The following VSTM4 variants were observed in gnomAD, a reference collection of about 807,000 sequenced individuals.
VSTM4 encodes V-set and transmembrane domain containing 4.
VSTM4 carries 20 observed loss-of-function variants against 36.4 expected under a neutral mutation model. The ratio of observed to expected loss-of-function variants is 0.55; its 90% CI spans 0.39 to 0.80. The LOEUF (loss-of-function observed/expected upper bound fraction) is 0.80, where lower values mean the gene tolerates loss of function less well. Ranked by LOEUF, VSTM4 falls within the 30% of genes least tolerant of loss-of-function variation. The pLI is 0.00. For missense variants in VSTM4, 392 were observed against 404.5 expected (o/e 0.97, Z 0.26); for synonymous variants, 182 against 173.9 (o/e 1.05, Z -0.37).
At chr10:49,040,668 T>G (rs1340563780) in intron 7 of VSTM4, among the ~76,000 whole-genome samples, 1 of 152,244 alleles carries the variant, frequency 6.6e-6, no homozygotes, top group Non-Finnish European at 1.5e-5. Context: ...TCTTGCAAAA[T>G]GCAATGTTGT....
chr10:49,019,514 C>T lies in VSTM4; in HGVS notation c.*136G>A, dbSNP rs3810952. Reference sequence around the variant, plus strand: ...AGGCTTGTACCTCTTCAAAGGCACCCAGAATGCTGCTGAAAAGGGGCTCCC... The same window carrying T: ...AGGCTTGTACCTCTTCAAAGGCACCTAGAATGCTGCTGAAAAGGGGCTCCC... On this transcript the variant is annotated 3_prime_UTR_variant, in exon 8 of 8. Coordinates refer to ENST00000332853, the MANE Select transcript of VSTM4 (RefSeq NM_001031746.5). 5,852 of 1,307,052 alleles carry T rather than the reference C, an allele frequency of 4.5e-3. 251 individuals are homozygous for T. The Admixed American group carries it at 0.086, about 19-fold the overall frequency. 81.0% of individuals were successfully genotyped at this position (1,307,052 alleles called of 1,614,324 possible). A position where few individuals can be genotyped will look rare whatever the true frequency, so the allele number is the denominator to read the frequency against.
chr10:49,043,127 T>C (rs181723065), intron 7 of VSTM4, among the ~76,000 whole-genome samples: 161 of 152,324 alleles, frequency 1.1e-3, no homozygotes, highest in Admixed American at 2.4e-3. Flanking sequence ...GGATGCACTG[T>C]CCAATGTGGT....
intron 2 of VSTM4, among the ~76,000 whole-genome samples, chr10:49,105,010 C>A (rs7069441): frequency 5.0e-5 from 2 of 39,746 alleles, no homozygotes; most frequent in African/African-American, 1.1e-4. Context: ...GAGAGAGAGA[C>A]AGAGAGATAC....
At chr10:49,061,176 C>A (rs1000808776) in intron 5 of VSTM4, among the ~76,000 whole-genome samples, 1 of 152,132 alleles carries the variant, frequency 6.6e-6, no homozygotes, top group Non-Finnish European at 1.5e-5. Context: ...ACTGTTTCCA[C>A]ATTTAGAGAT....
chr10:49,108,314 T>A (rs1391569397), intron 1 of VSTM4, among the ~76,000 whole-genome samples: 1 of 152,256 alleles, frequency 6.6e-6, no homozygotes, highest in Admixed American at 6.5e-5. Flanking sequence ...GTAAAAGATT[T>A]AGATTTTTGG....
intron 1 of VSTM4, among the ~76,000 whole-genome samples, chr10:49,113,862 G>C (rs532074051): frequency 5.1e-4 from 77 of 152,274 alleles, no homozygotes; most frequent in African/African-American, 1.8e-3. Context: ...ACAAGCAGGA[G>C]CTCTTATCAT....
At chr10:49,043,551 T>C (rs1264029282) in intron 7 of VSTM4, among the ~76,000 whole-genome samples, 6 of 152,060 alleles carry the variant, frequency 3.9e-5, no homozygotes, top group African/African-American at 1.4e-4. Context: ...TAGAATTCCA[T>C]TCACAGACAA....
chr10:49,060,114 G>C (rs1300726414), intron 5 of VSTM4, among the ~76,000 whole-genome samples: 1 of 152,192 alleles, frequency 6.6e-6, no homozygotes, highest in African/African-American at 2.4e-5. Flanking sequence ...CAAGTTGATG[G>C]ATACATCTAG....
intron 7 of VSTM4, among the ~76,000 whole-genome samples, chr10:49,031,813 G>A (rs1843349620): frequency 1.3e-5 from 2 of 151,980 alleles, no homozygotes; most frequent in Admixed American, 6.5e-5. Context: ...CTCTGACCTC[G>A]GCTTGCTCCA....
At chr10:49,048,423 C>T in intron 6 of VSTM4, 55 bp downstream of exon 6, 1 of 1,484,768 alleles carries the variant, frequency 6.7e-7, no homozygotes. Flanking sequence ...ACCCCAGACC[C>T]ACAGGGATCA....
At chr10:49,077,130 CACCAAGGTGGT>C in intron 4 of VSTM4, 78 bp downstream of exon 4, 1 of 1,340,428 alleles carries the variant, frequency 7.5e-7, no homozygotes, top group South Asian at 1.3e-5. Context: ...TGCACTTTTC[CACCAAGGTGGT>C]ACTTTGTCTA....
intron 6 of VSTM4, among the ~76,000 whole-genome samples, chr10:49,047,366 C>T (rs554777311): frequency 9.9e-5 from 15 of 152,264 alleles, no homozygotes; most frequent in African/African-American, 3.4e-4. Context: ...TGGGAGACTC[C>T]GTCCTACCCA....
intron 7 of VSTM4, among the ~76,000 whole-genome samples, chr10:49,034,859 A>G (rs1843403619): frequency 6.6e-6 from 1 of 152,204 alleles, no homozygotes; most frequent in Non-Finnish European, 1.5e-5. Flanking sequence ...TAAATGAAAT[A>G]GGCTTTAAAA....
At chr10:49,075,431 T>G (rs1349988260) in intron 4 of VSTM4, among the ~76,000 whole-genome samples, 1 of 152,264 alleles carries the variant, frequency 6.6e-6, no homozygotes, top group Non-Finnish European at 1.5e-5. Flanking sequence ...TGAGCATCTG[T>G]CCTGAGCCAC....
chr10:49,092,431 A>G (rs1844491869), intron 2 of VSTM4, among the ~76,000 whole-genome samples: 1 of 152,212 alleles, frequency 6.6e-6, no homozygotes, highest in Admixed American at 6.5e-5. Context: ...AATCCAGGAG[A>G]GGGTTTAGAA....
At chr10:49,048,007 TG>T (rs1843640286) in intron 6 of VSTM4, among the ~76,000 whole-genome samples, 1 of 152,176 alleles carries the variant, frequency 6.6e-6, no homozygotes, top group South Asian at 2.1e-4. Context: ...AAATCATAAC[TG>T]GAATCACAGG....
chr10:49,080,225 C>A (rs994789647), intron 3 of VSTM4, among the ~76,000 whole-genome samples: 3 of 152,170 alleles, frequency 2.0e-5, no homozygotes, highest in Non-Finnish European at 4.4e-5. Context: ...CGTGGAGAAG[C>A]AGTTAGTTAA....
At chr10:49,078,649 G>T (rs988264518) in intron 3 of VSTM4, among the ~76,000 whole-genome samples, 1 of 152,142 alleles carries the variant, frequency 6.6e-6, no homozygotes, top group African/African-American at 2.4e-5. Context: ...GTTAAGAAGG[G>T]GGTGGTGGTG....
At chr10:49,066,176 C>A (rs868366487) in intron 4 of VSTM4, among the ~76,000 whole-genome samples, 1 of 152,080 alleles carries the variant, frequency 6.6e-6, no homozygotes, top group African/African-American at 2.4e-5. Flanking sequence ...GAGGTCTGGC[C>A]GTATTCATTT....
Sources: allele counts gnomAD v4.1 joint callset (sites outside exome capture counted in the v4.1 genomes callset), GRCh38; gene constraint gnomAD v4.1.1; transcripts MANE v1.5; gene names NCBI Gene and HGNC (gene_info 2026-07-23, HGNC 2026-07-21).